The following AHNAK2 variants were observed in gnomAD, a reference collection of about 807,000 sequenced individuals.
The protein encoded by AHNAK2 is AHNAK nucleoprotein 2, also known as protein AHNAK2.
Under a neutral mutation model 30.7 loss-of-function variants are expected in AHNAK2, and 18 were observed. The observed-to-expected ratio is 0.59, with a 90% CI of 0.41 to 0.87. The LOEUF (loss-of-function observed/expected upper bound fraction) is 0.87. Ranked by LOEUF, AHNAK2 falls within the 40% of genes least tolerant of loss-of-function variation. The pLI is 0.00. For missense variants in AHNAK2, 8,604 were observed against 7,373.0 expected, an observed-to-expected ratio of 1.17 and a Z score of -6.11; for synonymous variants, 3,590 against 3,073.8, an observed-to-expected ratio of 1.17 and a Z score of -5.56.
Position 104,943,400 on chromosome 14 carries a change from G to C in AHNAK2, c.12051C>G (p.Ser4017Arg), listed in dbSNP as rs751551356. ...MQGDLKATDLSVQPPSADLEV... is the reference protein window; with the variant it reads ...MQGDLKATDLRVQPPSADLEV... ...CCAGGTCAGCGGAAGGGGGCTGAAC[G>C]CTGAGGTCAGTGGCCTTGAGGTCCC... is the stretch of plus-strand genomic sequence containing the variant. The change falls in exon 7 of 7, where the codon AGC becomes AGG. Residue 4017 changes from serine (S) to arginine (R), a missense_variant. Physicochemically the swap from Ser to Arg is moderately radical, Grantham distance 110. Transcript: ENST00000333244. 18 of 1,613,118 alleles carry C rather than the reference G, an allele frequency of 1.1e-5. No individual in the cohort carries two copies. The highest frequency in any genetic ancestry group is 1.5e-5 in the Non-Finnish European group (18 of 1,179,644).
At position 104,949,667 on chromosome 14, in the gene AHNAK2, A is replaced by C. The variant is rs763708956; in HGVS notation, c.5784T>G (p.Val1928=). 6.3e-7 allele frequency: 1 copy of C among 1,579,124 alleles called. No homozygotes were observed. Among genetic ancestry groups the C allele is most frequent in the Non-Finnish European group, 8.6e-7 (1 of 1,159,096 alleles). ...KVDLKGPQTD[V]KGAKLDLKGP... ...CTTTCAGGTCCAGCTTGGCGCCCTT[A>C]ACATCTGTCTGGGGGCCCTTGAGGT... Residue 1928 remains valine (V), a synonymous_variant, in exon 7 of 7, where the codon GTT becomes GTG. Coordinates refer to ENST00000333244, the MANE Select transcript of AHNAK2 (RefSeq NM_138420.4).
intron 1 of AHNAK2, among the ~76,000 whole-genome samples, chr14:104,972,248 C>T (rs1000527300): frequency 3.9e-5 from 6 of 152,108 alleles, no homozygotes; most frequent in African/African-American, 9.7e-5. Context: ...AAAAACCTAA[C>T]GGTCACAAAG....
Position 104,945,995 on chromosome 14 carries a change from C to T in AHNAK2, c.9456G>A (p.Ser3152=), listed in dbSNP as rs545799426. 3.9e-4 allele frequency: 513 copies of T among 1,309,918 alleles called. 142 individuals are homozygous for T. In the South Asian group the frequency reaches 5.8e-3, roughly 15 times the overall value. The allele number at this position is 1,309,918 out of a possible 1,614,324, so 81.1% of individuals were successfully genotyped here. The change falls in exon 7 of 7, where the codon TCG becomes TCA. Residue 3152 remains serine, a synonymous_variant. Transcript: ENST00000333244. ...KFKMPKFKMP[S]FGVSAPGKSI... ...ACTTGCCTGGGGCAGACACCCCGAA[C>T]GACGGCATCTTGAACTTGGGCATTT...
chr14:104,967,576 G>A (rs1899339765), intron 1 of AHNAK2, among the ~76,000 whole-genome samples: 1 of 152,176 alleles, frequency 6.6e-6, no homozygotes, highest in Non-Finnish European at 1.5e-5. Context: ...ACTGGCCCAC[G>A]CGGGACAGTC....
At position 104,942,191 on chromosome 14, in the gene AHNAK2, G is replaced by A. The variant is rs1191455750; in HGVS notation, c.13260C>T (p.Pro4420=). ...TGCTGGGCAGAGACACGTCCAGGTT[G>A]GGGGACGTCACCTCCACCTTGGGGC... The part of the protein sequence containing the change: ...LKGPKVEVTS[P]NLDVSLPSME... The change falls in exon 7 of 7, where the codon CCC becomes CCT. Residue 4420 remains proline, a synonymous_variant. Coordinates refer to ENST00000333244, the MANE Select transcript of AHNAK2 (RefSeq NM_138420.4). The A allele has an allele frequency of 2.5e-6, 4 of 1,612,948 alleles. No homozygotes were observed. The African/African-American group carries it at 5.4e-5, about 22-fold the overall frequency.
chr14:104,969,219 T>A (rs1899402323), intron 1 of AHNAK2, among the ~76,000 whole-genome samples: 1 of 152,202 alleles, frequency 6.6e-6, no homozygotes, highest in Non-Finnish European at 1.5e-5. Flanking sequence ...TCCTTGCCCA[T>A]CCAGCAGCCA....
Position 104,950,077 on chromosome 14 carries a change from C to G in AHNAK2, c.5374G>C (p.Asp1792His), listed in dbSNP as rs1470777229. ...VEVSLPSVEV[D>H]VEAPGAKLDS... ...AGCTTGGCTCCTGGAGCCTCGACGT[C>G]CACCTCCACGCTGGGCAGAGACACC... Residue 1792 changes from aspartate to histidine, a missense_variant, in exon 7 of 7, where the codon GAC becomes CAC. Physicochemically the swap from Asp to His is moderately conservative, Grantham distance 81. Transcript: ENST00000333244. The G allele has an allele frequency of 6.3e-7, 1 of 1,587,284 alleles. No individual in the cohort carries two copies. The highest frequency in any genetic ancestry group is 1.4e-5 in the African/African-American group (1 of 72,368).
chr14:104,955,904 G>A (rs1224543623), intron 4 of AHNAK2, among the ~76,000 whole-genome samples: 3 of 152,232 alleles, frequency 2.0e-5, no homozygotes, highest in Non-Finnish European at 2.9e-5. Context: ...GGCCCAGCAG[G>A]GCACCAGGAG....
rs746746377 is a variant in AHNAK2 at position 104,952,133 on chromosome 14, G to A, written c.3318C>T (p.Pro1106=). The change falls in exon 7 of 7, where the codon CCC becomes CCT. Residue 1106 remains proline, a synonymous_variant. Coordinates refer to ENST00000333244, the MANE Select transcript of AHNAK2 (RefSeq NM_138420.4). The stretch of plus-strand genomic sequence containing the variant: ...CCTTGGGGCTTTTCAGGTCCAGCTT[G>A]GGGCCCTTGACGTCCACCTGGGGGC... ...LKGPQVDVKG[P]KLDLKSPKAE... 1 of 1,612,408 alleles carries A rather than the reference G, an allele frequency of 6.2e-7. No homozygotes were observed. Among genetic ancestry groups the A allele is most frequent in the Non-Finnish European group, 8.5e-7 (1 of 1,179,648 alleles).
rs774537017 is a variant in AHNAK2, at chr14:104,946,646, G to A, written c.8805C>T (p.Pro2935=). 119 of 1,612,674 alleles carry A rather than the reference G, an allele frequency of 7.4e-5. 1 individual carries two copies. The highest frequency in any genetic ancestry group is 3.3e-4 in the Middle Eastern group (2 of 6,052). The part of the protein sequence containing the change: ...LKGPKAEVTA[P]DVEVSLPSVE... ...CGCTGGGCAGAGACACCTCCACGTC[G>A]GGGGCCGTCACCTCCGCCTTGGGGC... The change falls in exon 7 of 7, where the codon CCC becomes CCT. Residue 2935 remains proline, a synonymous_variant. Transcript: ENST00000333244.
rs1407243535 is a variant in AHNAK2 at position 104,955,525 on chromosome 14, G to A, written c.424C>T (p.Leu142=). 1 of 1,613,652 alleles carries A rather than the reference G, an allele frequency of 6.2e-7. No individual in the cohort carries two copies. The highest frequency in any genetic ancestry group is 1.1e-5 in the South Asian group (1 of 91,054). The change falls in exon 5 of 7, where the codon CTG becomes TTG. Residue 142 remains leucine (L), a synonymous_variant. Coordinates refer to ENST00000333244, the MANE Select transcript of AHNAK2 (RefSeq NM_138420.4). ...GDQGIFVKQV[L]KDSSAAKLFN... ...AGCTTGGCGGCTGAGGAGTCCTTCA[G>A]CACTTGCTTGACGAAGATCCCCTGG... is the stretch of plus-strand genomic sequence containing the variant.
intron 1 of AHNAK2, among the ~76,000 whole-genome samples, chr14:104,965,184 T>C (rs750793095): frequency 6.6e-6 from 1 of 151,986 alleles, no homozygotes; most frequent in Non-Finnish European, 1.5e-5. Context: ...CGATGGATAA[T>C]CCAAGTATTT....
At position 104,952,390 on chromosome 14, in the gene AHNAK2, C is replaced by A. The variant is rs1402271394; in HGVS notation, c.3061G>T (p.Val1021Leu). 21 of 1,612,712 alleles carry A rather than the reference C, an allele frequency of 1.3e-5. No individual in the cohort carries two copies. The highest frequency in any genetic ancestry group is 3.3e-5 in the South Asian group (3 of 91,054). Residue 1021 changes from valine to leucine, a missense_variant, in exon 7 of 7, where the codon GTG (valine) becomes TTG (leucine). Physicochemically the swap from Val to Leu is conservative, Grantham distance 32 (BLOSUM62 1). Coordinates refer to ENST00000333244, the MANE Select transcript of AHNAK2 (RefSeq NM_138420.4). ...TCCACCTTGGGTGCAGACACATCCA[C>A]CAAGGCCTTGATGGACTTCCCTGGG... is the stretch of plus-strand genomic sequence containing the variant. ...SAPGKSIKAL[V>L]DVSAPKVEAD...
rs754870469 is a variant in AHNAK2, at chr14:104,944,276, C to T, written c.11175G>A (p.Glu3725=). The change falls in exon 7 of 7, where the codon GAG becomes GAA. Residue 3725 remains glutamate, a synonymous_variant. Coordinates refer to ENST00000333244, the MANE Select transcript of AHNAK2 (RefSeq NM_138420.4). ...AGLKEHLPKV[E]MPSLKMPKVD... ...CTTTGGGCATCTTCAAACTGGGCATCTCCACCTTGGGCAGGTGCTCTTTGA... is the reference window on the plus strand; with the variant it reads ...CTTTGGGCATCTTCAAACTGGGCATTTCCACCTTGGGCAGGTGCTCTTTGA... 6.2e-7 allele frequency: 1 copy of T among 1,612,972 alleles called. No individual in the cohort carries two copies. Among genetic ancestry groups the T allele is most frequent in the East Asian group, 2.2e-5 (1 of 44,758 alleles).
Position 104,940,629 on chromosome 14 carries a change from G to A in AHNAK2, c.14822C>T (p.Ser4941Phe). The A allele has an allele frequency of 6.2e-7, 1 of 1,613,656 alleles. No individual in the cohort carries two copies. ...TTTCCCTTCGTGGTCAGCATCTTCAGAAGGGGCTTCTCCAGGGGCCACTAC... is the reference window on the plus strand; with the variant it reads ...TTTCCCTTCGTGGTCAGCATCTTCAAAAGGGGCTTCTCCAGGGGCCACTAC... ...TSVVAPGEAP[S>F]EDADHEGKGS... The change falls in exon 7 of 7, where the codon TCT becomes TTT. Residue 4941 changes from serine (S) to phenylalanine (F), a missense_variant. Physicochemically the swap from Ser to Phe is radical, Grantham distance 155. Coordinates refer to ENST00000333244, the MANE Select transcript of AHNAK2 (RefSeq NM_138420.4). The surrounding 1 kb of genome is among the most constrained non-coding windows in gnomAD (Gnocchi z 4.4).
Position 104,939,544 on chromosome 14 carries a change from T to C in AHNAK2, c.15907A>G (p.Lys5303Glu). The part of the protein sequence containing the change: ...STSEVRIHPS[K>E]GPLPFQMPGM... The stretch of plus-strand genomic sequence containing the variant: ...GGCATCTGAAAAGGGAGAGGTCCTT[T>C]GGATGGATGGATCCTGACCTCAGAA... Residue 5303 changes from lysine (K) to glutamate (E), a missense_variant, in exon 7 of 7, where the codon AAA (lysine) becomes GAA (glutamate). Coordinates refer to ENST00000333244, the MANE Select transcript of AHNAK2 (RefSeq NM_138420.4). The C allele has an allele frequency of 6.2e-7, 1 of 1,613,848 alleles. No individual in the cohort carries two copies. The highest frequency in any genetic ancestry group is 8.5e-7 in the Non-Finnish European group (1 of 1,179,888).
chr14:104,938,824 TAG>T lies in AHNAK2; in HGVS notation c.16625_16626del (p.Ser5542Ter). Reference sequence around the variant, plus strand: ...GCCTCTTCTGTGCCCTCCTGAGTCCTAGAGTGTTGAGTCATTGTTGTGTACAC... The same window carrying T: ...GCCTCTTCTGTGCCCTCCTGAGTCCTAGTGTTGAGTCATTGTTGTGTACAC... ...ARVYTTMTQH[S>X]RTQEGTEEAP... On this transcript the variant is annotated frameshift_variant, in exon 7 of 7. Transcript: ENST00000333244. LOFTEE classifies it low-confidence loss of function (END_TRUNC). 2 of 1,613,966 alleles carry T rather than the reference TAG, an allele frequency of 1.2e-6. No individual in the cohort carries two copies. Among genetic ancestry groups the T allele is most frequent in the Non-Finnish European group, 1.7e-6 (2 of 1,179,882 alleles).
At position 104,943,057 on chromosome 14, in the gene AHNAK2, T is replaced by C; in HGVS notation, c.12394A>G (p.Lys4132Glu). 1 of 1,612,816 alleles carries C rather than the reference T, an allele frequency of 6.2e-7. No homozygotes were observed. The highest frequency in any genetic ancestry group is 1.1e-5 in the South Asian group (1 of 91,032). The change falls in exon 7 of 7, where the codon AAG (lysine) becomes GAG (glutamate). Residue 4132 changes from lysine (K) to glutamate (E), a missense_variant. By Grantham distance (56) the Lys-to-Glu change is moderately conservative. Coordinates refer to ENST00000333244, the MANE Select transcript of AHNAK2 (RefSeq NM_138420.4). ...ATCTTGAACTTGGGCATTTTGAACT[T>C]GCTGTCTTTGGCAGTCACATCCTTG... Reference protein sequence around the residue: ...ADKDVTAKDSKFKMPKFKMPS... With the variant: ...ADKDVTAKDSEFKMPKFKMPS...
rs929089569 is a variant in AHNAK2, at chr14:104,966,216, T to A, written c.56-8544A>T. Among the ~76,000 whole-genome samples, 7 of 151,844 alleles carry A rather than the reference T, an allele frequency of 4.6e-5. No individual in the cohort carries two copies. The highest frequency in any genetic ancestry group is 1.7e-4 in the African/African-American group (7 of 41,314). On this transcript the variant is annotated intron_variant, in intron 1 of 6. Coordinates refer to ENST00000333244, the MANE Select transcript of AHNAK2 (RefSeq NM_138420.4). This position sits in a 1 kb window ranked among gnomAD's most constrained non-coding sequence, Gnocchi z 4.3. ...GGAGGCATCAACACTCACCCCCACGTCATCCCGGCCCCGCCACCTTCCTAC... is the reference window on the plus strand; with the variant it reads ...GGAGGCATCAACACTCACCCCCACGACATCCCGGCCCCGCCACCTTCCTAC...
Sources: gnomAD v4.1 joint callset for allele counts (sites outside exome capture counted in the v4.1 genomes callset) on GRCh38, gnomAD v4.1.1 for gene constraint, Gnocchi (gnomAD v3.1) non-coding constraint, MANE v1.5 for transcripts, NCBI Gene and HGNC (gene_info 2026-07-23, HGNC 2026-07-21) for gene names.